LPA: variants seen among roughly 807,000 people sequenced by gnomAD.
LPA encodes apolipoprotein(a).
A neutral mutation model predicts 197.9 loss-of-function variants in LPA; 199 were observed. The observed-to-expected ratio is 1.01, with a 90% CI of 0.90 to 1.13. LPA has a LOEUF of 1.13. Among genes scored for constraint, LPA ranks in the 50% most tolerant of loss-of-function variants. The pLI is 0.00. For missense variants in LPA, 1,853 were observed against 1,785.8 expected (o/e 1.04, Z -0.68); for synonymous variants, 715 against 639.5 (o/e 1.12, Z -1.78).
At chr6:160,606,255 G>C (rs1270683347) in intron 17 of LPA, among the ~76,000 whole-genome samples, 16 of 152,114 alleles carry the variant, frequency 1.1e-4, no homozygotes, top group South Asian at 4.1e-4. Context: ...GATCACCCTG[G>C]AGGGTTTGTG....
At chr6:160,576,196 C>G (rs1384059934) in intron 28 of LPA, among the ~76,000 whole-genome samples, 1 of 151,328 alleles carries the variant, frequency 6.6e-6, no homozygotes, top group African/African-American at 2.4e-5. Context: ...GTCCATTTTA[C>G]TTTTCAGCGT....
chr6:160,536,680 C>T (rs763971682), intron 37 of LPA, among the ~76,000 whole-genome samples: 6 of 152,128 alleles, frequency 3.9e-5, no homozygotes, highest in Non-Finnish European at 7.4e-5. Flanking sequence ...AATATGCAAA[C>T]ACCAGGAGCA....
intron 36 of LPA, among the ~76,000 whole-genome samples, chr6:160,539,421 A>G (rs962811632): frequency 1.3e-5 from 2 of 151,452 alleles, no homozygotes; most frequent in Non-Finnish European, 1.5e-5. Context: ...TATTATTTGC[A>G]TTTGTAAATT....
At chr6:160,538,235 A>G (rs892630897) in intron 36 of LPA, among the ~76,000 whole-genome samples, 1 of 152,234 alleles carries the variant, frequency 6.6e-6, no homozygotes, top group African/African-American at 2.4e-5. Context: ...TGACAAAGGC[A>G]CACTTCTCAT....
Position 160,600,991 on chromosome 6 carries a change from G to T in LPA, c.3053C>A (p.Ser1018Ter). The T allele has an allele frequency of 6.2e-7, 1 of 1,614,060 alleles. No homozygotes were observed. Among genetic ancestry groups the T allele is most frequent in the Middle Eastern group, 1.7e-4 (1 of 6,012 alleles). Reference sequence around the variant, plus strand: ...GACGAAGGCAGTCCATTCTGCATCTGAGCATCGTGTCAGGTTGCAGTACTC... The same window carrying T: ...GACGAAGGCAGTCCATTCTGCATCTTAGCATCGTGTCAGGTTGCAGTACTC... ...RWEYCNLTRC[S>*]DAEWTAFVPP... is the part of the protein sequence containing the mutation. Residue 1018 changes from serine to a stop codon, truncating the protein, a stop_gained, in exon 19 of 39, where the codon TCA (serine) becomes TAA (stop). Transcript: ENST00000316300. LOFTEE classifies it high-confidence loss of function.
At chr6:160,577,923 G>T (rs1237917138) in intron 27 of LPA, among the ~76,000 whole-genome samples, 8 of 152,146 alleles carry the variant, frequency 5.3e-5, no homozygotes, top group African/African-American at 1.9e-4. Flanking sequence ...GCCAATGCAG[G>T]TTTCATGAGA....
intron 28 of LPA, among the ~76,000 whole-genome samples, chr6:160,562,063 T>C (rs1024511977): frequency 1.3e-5 from 2 of 152,220 alleles, no homozygotes; most frequent in Non-Finnish European, 2.9e-5. Flanking sequence ...CTTTATTTCT[T>C]TCTCTTGCCT....
chr6:160,536,447 T>C (rs192427897), intron 37 of LPA, among the ~76,000 whole-genome samples: 125 of 152,324 alleles, frequency 8.2e-4, no homozygotes, highest in African/African-American at 2.8e-3. Flanking sequence ...ATGCACTTTC[T>C]TATTATTTCC....
intron 2 of LPA, among the ~76,000 whole-genome samples, chr6:160,650,107 C>T (rs1779976103): frequency 6.6e-6 from 1 of 152,124 alleles, no homozygotes; most frequent in African/African-American, 2.4e-5. Context: ...ATTATTGTGG[C>T]CTCACCACCG....
At position 160,605,175 on chromosome 6, in the gene LPA, T is replaced by A; in HGVS notation, c.2816A>T (p.Glu939Val). The A allele has an allele frequency of 6.2e-7, 1 of 1,613,972 alleles. No individual in the cohort carries two copies. Among genetic ancestry groups the A allele is most frequent in the Non-Finnish European group, 8.5e-7 (1 of 1,179,900 alleles). ...APTEQRPGVQ[E>V]CYHGNGQSYQ... ...ACTCTGTCCATTTCCGTGGTAGCACTCCTGCACCCCAGGCCTTTGCTCAGT... is the reference window on the plus strand; with the variant it reads ...ACTCTGTCCATTTCCGTGGTAGCACACCTGCACCCCAGGCCTTTGCTCAGT... The change falls in exon 18 of 39, where the codon GAG (glutamate) becomes GTG (valine). Residue 939 changes from glutamate (E) to valine (V), a missense_variant. Physicochemically the swap from Glu to Val is moderately radical, Grantham distance 121. Around this residue, in one of 3 missense-constraint regions of LPA, gnomAD observed 1,737 missense variants for 1,504.4 expected, o/e 1.15. Transcript: ENST00000316300.
intron 24 of LPA, among the ~76,000 whole-genome samples, chr6:160,588,462 T>A (rs113572208): frequency 1.3e-5 from 2 of 152,118 alleles, no homozygotes; most frequent in East Asian, 1.9e-4. Context: ...GTGGTCAGAA[T>A]TCAAATATCC....
Position 160,544,045 on chromosome 6 carries a change from A to G in LPA, c.5399-1237T>C, listed in dbSNP as rs1050052360. On this transcript the variant is annotated intron_variant, in intron 33 of 38. Coordinates refer to ENST00000316300, the MANE Select transcript of LPA (RefSeq NM_005577.4). ...GTTCCCATTCTTCCTTCTTTCTCCA[A>G]TCTCTAAGAACCTGATTCTCATACA... 7.9e-5 allele frequency among the ~76,000 whole-genome samples: 12 copies of G among 152,100 alleles called. No homozygotes were observed. The South Asian group carries it at 1.0e-3, about 13-fold the overall frequency.
chr6:160,547,866 C>T lies in LPA; in HGVS notation c.5227G>A (p.Glu1743Lys), dbSNP rs1235478157. The T allele has an allele frequency of 6.2e-7, 1 of 1,614,130 alleles. No individual in the cohort carries two copies. Among genetic ancestry groups the T allele is most frequent in the Non-Finnish European group, 8.5e-7 (1 of 1,180,022 alleles). ...CTATGGGGCTCCTGGGCAGCCCATT[C>T]CTGGCATGGCGTCCCAGTAACAGTG... ...ATTVTGTPCQ[E>K]WAAQEPHRHS... Residue 1743 changes from glutamate to lysine, a missense_variant, in exon 32 of 39, where the codon GAA (glutamate) becomes AAA (lysine). Glu to Lys is a moderately conservative substitution (Grantham distance 56, BLOSUM62 1). Transcript: ENST00000316300.
At chr6:160,657,278 C>A (rs543625162) in intron 1 of LPA, among the ~76,000 whole-genome samples, 10 of 152,276 alleles carry the variant, frequency 6.6e-5, no homozygotes, top group Non-Finnish European at 1.2e-4. Flanking sequence ...CTCCACCATC[C>A]TAATCTCCCT....
At position 160,634,314 on chromosome 6, in the gene LPA, TG is replaced by T. The variant is rs1353449940; in HGVS notation, c.1076-403del. 2.0e-5 allele frequency among the ~76,000 whole-genome samples: 2 copies of T among 99,302 alleles called. 1 individual carries two copies. Among genetic ancestry groups the T allele is most frequent in the East Asian group, 4.4e-4 (2 of 4,546 alleles). 65.1% of individuals were successfully genotyped at this position (99,302 alleles called of 152,430 possible). A position where few individuals can be genotyped will look rare whatever the true frequency, so the allele number is the denominator to read the frequency against. On this transcript the variant is annotated intron_variant, in intron 7 of 38. Transcript: ENST00000316300. ...GAGGAGGGGAAAGACATGGAAATTT[TG>T]CATGTTTCCCTAGATCGTTGATCAT...
At chr6:160,544,632 C>T (rs879349350) in intron 33 of LPA, among the ~76,000 whole-genome samples, 5 of 152,184 alleles carry the variant, frequency 3.3e-5, no homozygotes, top group Admixed American at 3.3e-4. Context: ...TCCCCCAGCT[C>T]AAGGTCCCTT....
At chr6:160,586,364 T>A in intron 25 of LPA, 85 bp downstream of exon 25, 3 of 1,494,102 alleles carry the variant, frequency 2.0e-6, no homozygotes, top group Non-Finnish European at 2.8e-6. Context: ...CTGTGCAGCA[T>A]GGAAGTTTTC....
intron 37 of LPA, among the ~76,000 whole-genome samples, chr6:160,536,088 C>G (rs1777890381): frequency 6.6e-6 from 1 of 152,102 alleles, no homozygotes; most frequent in Admixed American, 6.5e-5. Flanking sequence ...GGACTGTGAC[C>G]CAAGTTTGAC....
intron 19 of LPA, among the ~76,000 whole-genome samples, chr6:160,600,599 G>C (rs1203290245): frequency 3.3e-5 from 5 of 152,180 alleles, no homozygotes; most frequent in Non-Finnish European, 5.9e-5. Flanking sequence ...GGCTTGGAAA[G>C]ACACACACAT....
Sources: gnomAD v4.1 joint callset for allele counts (sites outside exome capture counted in the v4.1 genomes callset) on GRCh38, gnomAD v4.1.1 for gene constraint, gnomAD v4.1.1 regional missense constraint, MANE v1.5 for transcripts, NCBI Gene and HGNC (gene_info 2026-07-23, HGNC 2026-07-21) for gene names.